The following PPP1CB variants were observed in gnomAD, a reference collection of about 807,000 sequenced individuals.
PPP1CB encodes serine/threonine-protein phosphatase PP1-beta catalytic subunit.
In PPP1CB, 2 loss-of-function variants were observed where a neutral mutation model predicts 43.7. The observed-to-expected ratio is 0.05, with a 90% confidence interval of 0.02 to 0.14. The LOEUF is 0.14. PPP1CB is among the 10% of genes least tolerant of loss of function. The pLI, the probability that PPP1CB is intolerant of heterozygous loss-of-function variation, is 1.00. For missense variants in PPP1CB, 84 were observed against 398.0 expected, an observed-to-expected ratio of 0.21 and a Z score of 6.71; for synonymous variants, 136 against 135.6, an observed-to-expected ratio of 1.00 and a Z score of -0.02.
chr2:28,795,552 A>G (rs1005095118), intron 7 of PPP1CB, among the ~76,000 whole-genome samples: 9 of 152,164 alleles, frequency 5.9e-5, no homozygotes, highest in Non-Finnish European at 1.3e-4. Context: ...TTTGATTTAC[A>G]TTAATAGTGA....
intron 1 of PPP1CB, among the ~76,000 whole-genome samples, chr2:28,768,253 A>G (rs1666826402): frequency 6.6e-6 from 1 of 152,150 alleles, no homozygotes. Context: ...TTTGTGGCAT[A>G]GGGGAAATAG....
chr2:28,801,124 T>C lies in PPP1CB; in HGVS notation c.*1821T>C, dbSNP rs1572475824. ...ACATAGATACTATGTCCTTGACATATTGAAATGATTCTTTTCTGAAAGTAT... is the reference window on the plus strand; with the variant it reads ...ACATAGATACTATGTCCTTGACATACTGAAATGATTCTTTTCTGAAAGTAT... On this transcript the variant is annotated 3_prime_UTR_variant, in exon 8 of 8. Coordinates refer to ENST00000395366, the MANE Select transcript of PPP1CB (RefSeq NM_002709.3). 6.6e-6 allele frequency: 1 copy of C among 152,372 alleles called. No individual in the cohort carries two copies. The highest frequency in any genetic ancestry group is 1.5e-5 in the Non-Finnish European group (1 of 67,958). The allele number at this position is 152,372 out of a possible 1,614,324, so 9.4% of individuals were successfully genotyped here.
At chr2:28,763,001 C>G (rs747993482) in intron 1 of PPP1CB, among the ~76,000 whole-genome samples, 37 of 152,194 alleles carry the variant, frequency 2.4e-4, no homozygotes, top group Non-Finnish European at 4.9e-4. Context: ...GACAGGGTCA[C>G]TTTGTTCATG....
At chr2:28,779,123 A>T in intron 3 of PPP1CB, 84 bp downstream of exon 3, 5 of 1,076,288 alleles carry the variant, frequency 4.6e-6, no homozygotes, top group Non-Finnish European at 6.6e-6. Context: ...GCTTTGATTC[A>T]GAGTTTTTTC....
intron 1 of PPP1CB, among the ~76,000 whole-genome samples, chr2:28,768,408 G>A (rs1666829726): frequency 6.6e-6 from 1 of 152,138 alleles, no homozygotes; most frequent in South Asian, 2.1e-4. Flanking sequence ...TCCCTCTAAA[G>A]TCATTGACTG....
rs987422232 is a variant in PPP1CB, at chr2:28,802,921, C to T, written c.*3618C>T. 95 of 152,262 alleles carry T rather than the reference C, an allele frequency of 6.2e-4. No homozygotes were observed. Among genetic ancestry groups the T allele is most frequent in the African/African-American group, 2.3e-3 (94 of 41,566 alleles). The allele number at this position is 152,262 out of a possible 1,614,324, so 9.4% of individuals were successfully genotyped here. On this transcript the variant is annotated 3_prime_UTR_variant, in exon 8 of 8. Coordinates refer to ENST00000395366, the MANE Select transcript of PPP1CB (RefSeq NM_002709.3). ...TGCAGATTGCTGATGTTTTATTAAACCTTATTTTTACAAAAATGACCATAA... is the reference window on the plus strand; with the variant it reads ...TGCAGATTGCTGATGTTTTATTAAATCTTATTTTTACAAAAATGACCATAA...
rs556780723 is a variant in PPP1CB at position 28,787,464 on chromosome 2, A to T, written c.593-1194A>T. On this transcript the variant is annotated intron_variant, in intron 5 of 7. Coordinates refer to ENST00000395366, the MANE Select transcript of PPP1CB (RefSeq NM_002709.3). ...ACAGAGCGAGACTCCGTCTCAAAAA[A>T]ATATATATGTATCTTCTCTTAGCCA... Among the ~76,000 whole-genome samples, 9 of 152,244 alleles carry T rather than the reference A, an allele frequency of 5.9e-5. No homozygotes were observed. In the South Asian group the frequency reaches 8.3e-4, roughly 14 times the overall value.
chr2:28,772,280 G>C (rs1216817896), intron 1 of PPP1CB, among the ~76,000 whole-genome samples: 5 of 152,098 alleles, frequency 3.3e-5, no homozygotes, highest in Non-Finnish European at 7.4e-5. Context: ...CAGCCTGGGT[G>C]ACGGAGCGAG....
chr2:28,775,423 G>A (rs1411032417), intron 1 of PPP1CB, among the ~76,000 whole-genome samples: 1 of 151,902 alleles, frequency 6.6e-6, no homozygotes, highest in Non-Finnish European at 1.5e-5. Context: ...TTTTTATTTT[G>A]CAGAGACAGG....
At chr2:28,759,732 C>T (rs1480888702) in intron 1 of PPP1CB, among the ~76,000 whole-genome samples, 2 of 151,606 alleles carry the variant, frequency 1.3e-5, no homozygotes, top group Non-Finnish European at 2.9e-5. Context: ...ATTCTCCTGC[C>T]TCAGCCTCCT....
At chr2:28,776,546 C>G (rs1362058065) in intron 1 of PPP1CB, among the ~76,000 whole-genome samples, 1 of 152,122 alleles carries the variant, frequency 6.6e-6, no homozygotes, top group East Asian at 1.9e-4. Context: ...AGGCATGAGC[C>G]ACCGTGCCCG....
chr2:28,790,743 A>G (rs1483149870), intron 6 of PPP1CB, among the ~76,000 whole-genome samples: 1 of 152,220 alleles, frequency 6.6e-6, no homozygotes, highest in East Asian at 1.9e-4. Flanking sequence ...GTAAAATGAC[A>G]TGCCTGGGAT....
At chr2:28,780,640 C>T (rs905756315) in intron 3 of PPP1CB, among the ~76,000 whole-genome samples, 1 of 152,126 alleles carries the variant, frequency 6.6e-6, no homozygotes, top group East Asian at 1.9e-4. Flanking sequence ...TATGGGAGAG[C>T]AACTTGTAAA....
intron 1 of PPP1CB, among the ~76,000 whole-genome samples, chr2:28,755,042 G>GT (rs905540322): frequency 1.1e-4 from 16 of 151,864 alleles, no homozygotes; most frequent in East Asian, 1.9e-4. Context: ...TTATTGATAA[G>GT]TTTTTTTTGT....
intron 3 of PPP1CB, among the ~76,000 whole-genome samples, chr2:28,780,487 A>T (rs562847346): frequency 7.2e-5 from 11 of 152,336 alleles, no homozygotes; most frequent in African/African-American, 2.4e-4. Flanking sequence ...TTTAAATCAG[A>T]CTAGCAGAGA....
At chr2:28,789,957 CT>C (rs1667352544) in intron 6 of PPP1CB, among the ~76,000 whole-genome samples, 1 of 152,018 alleles carries the variant, frequency 6.6e-6, no homozygotes. Flanking sequence ...GCAAACCACA[CT>C]TTAAAAAAGT....
chr2:28,791,055 A>G (rs969539009), intron 6 of PPP1CB, among the ~76,000 whole-genome samples: 2 of 152,332 alleles, frequency 1.3e-5, no homozygotes, highest in South Asian at 4.1e-4. Context: ...ATAGTGTATC[A>G]TGCACATACA....
chr2:28,775,204 A>G lies in PPP1CB; in HGVS notation c.53-1647A>G, dbSNP rs184486014. On this transcript the variant is annotated intron_variant, in intron 1 of 7. Transcript: ENST00000395366. ...CTGTAGCCTCTGCCTTCTGGGGTCA[A>G]GTGAACGTTCCACCTCAACCTCTGC... 2.0e-5 allele frequency among the ~76,000 whole-genome samples: 3 copies of G among 152,232 alleles called. No homozygotes were observed. In the East Asian group the frequency reaches 5.8e-4, roughly 29 times the overall value.
Position 28,794,147 on chromosome 2 carries a change from A to G in PPP1CB, c.879+150A>G, listed in dbSNP as rs549746534. The G allele has an allele frequency of 3.2e-4, 207 of 653,066 alleles. 1 individual carries two copies. The highest frequency in any genetic ancestry group is 3.7e-4 in the Non-Finnish European group (150 of 403,760). 40.5% of individuals were successfully genotyped at this position (653,066 alleles called of 1,614,324 possible). A position where few individuals can be genotyped will look rare whatever the true frequency, so the allele number is the denominator to read the frequency against. On this transcript the variant is annotated intron_variant, in intron 7 of 7. Coordinates refer to ENST00000395366, the MANE Select transcript of PPP1CB (RefSeq NM_002709.3). ...CCACTCAAACTCATTAGATATTTCT[A>G]TTTTCAGTCACAAAGTTTCCAGCAT... is the stretch of plus-strand genomic sequence containing the variant.
Sources: allele counts gnomAD v4.1 joint callset (sites outside exome capture counted in the v4.1 genomes callset), GRCh38; gene constraint gnomAD v4.1.1; transcripts MANE v1.5; gene names NCBI Gene and HGNC (gene_info 2026-07-23, HGNC 2026-07-21).